The following FUT8 variants were observed in gnomAD, a reference collection of about 807,000 sequenced individuals.
FUT8 encodes the protein fucosyltransferase 8.
Under a neutral mutation model 71.3 loss-of-function variants are expected in FUT8, and 29 were observed. The ratio of observed to expected loss-of-function variants is 0.41; its 90% confidence interval spans 0.30 to 0.55. The LOEUF is 0.55. FUT8 is among the 20% of genes least tolerant of loss of function. The pLI is 0.34. For synonymous variants in FUT8, 254 were observed against 239.3 expected (o/e 1.06, Z -0.57); for missense variants, 544 against 702.1 (o/e 0.77, Z 2.55).
chr14:65,528,839 A>T (rs1883719995), intron 2 of FUT8: 1 of 152,242 alleles, frequency 6.6e-6, no homozygotes. Flanking sequence ...TTTAGATATC[A>T]TCAAGATCTT....
chr14:65,715,201 A>G (rs1894993172), intron 7 of FUT8, among the ~76,000 whole-genome samples: 1 of 152,212 alleles, frequency 6.6e-6, no homozygotes, highest in African/African-American at 2.4e-5. Flanking sequence ...TCAGTAGGAT[A>G]TTAGCTGTGG....
intron 2 of FUT8, among the ~76,000 whole-genome samples, chr14:65,513,917 G>T (rs1237975863): frequency 6.6e-6 from 1 of 152,196 alleles, no homozygotes; most frequent in Admixed American, 6.5e-5. Flanking sequence ...GGGAAGTCTA[G>T]TGCATGCACA....
At chr14:65,518,696 T>A (rs1251887013) in intron 2 of FUT8, among the ~76,000 whole-genome samples, 1 of 152,098 alleles carries the variant, frequency 6.6e-6, no homozygotes, top group African/African-American at 2.4e-5. Flanking sequence ...GGCTAATTTT[T>A]GTATTTTTTT....
chr14:65,439,849 T>C (rs2065615141), intron 1 of FUT8, among the ~76,000 whole-genome samples: 1 of 151,222 alleles, frequency 6.6e-6, no homozygotes, highest in African/African-American at 2.4e-5. Context: ...AAAATTATCT[T>C]ATCTCTTATG....
At chr14:65,532,354 G>A (rs1054597183) in intron 2 of FUT8, among the ~76,000 whole-genome samples, 15 of 152,136 alleles carry the variant, frequency 9.9e-5, no homozygotes, top group Non-Finnish European at 2.1e-4. Context: ...GTTTTGATTT[G>A]CATTTCTTTA....
intron 1 of FUT8, among the ~76,000 whole-genome samples, chr14:65,429,371 G>C (rs2065434733): frequency 6.6e-6 from 1 of 152,146 alleles, no homozygotes; most frequent in Non-Finnish European, 1.5e-5. Flanking sequence ...GGGGAATGTA[G>C]CTATAAATGT....
intron 3 of FUT8, among the ~76,000 whole-genome samples, chr14:65,577,038 TG>T: frequency 6.6e-6 from 1 of 151,932 alleles, no homozygotes; most frequent in Middle Eastern, 3.4e-3. Context: ...TTTGTAGAGA[TG>T]GGGTCTCCCT....
chr14:65,439,954 GTATATA>G (rs60534547), intron 1 of FUT8, among the ~76,000 whole-genome samples: 2,880 of 74,954 alleles, frequency 0.038, 160 homozygotes, highest in Admixed American at 0.062. Context: ...GTGTGTGTGT[GTATATA>G]TATATATATA....
At chr14:65,454,769 A>G (rs1163041778) in intron 1 of FUT8, among the ~76,000 whole-genome samples, 1 of 152,194 alleles carries the variant, frequency 6.6e-6, no homozygotes, top group Admixed American at 6.5e-5. Flanking sequence ...ACTTGCGCAT[A>G]CTACACACTC....
the FUT8 span, among the ~76,000 whole-genome samples, chr14:65,399,918 C>T: frequency 2.1e-4 from 32 of 152,324 alleles, no homozygotes; most frequent in East Asian, 4.0e-3. Flanking sequence ...CTACTTTCTT[C>T]ATTCATTCAT....
chr14:65,677,147 T>TGCGCGCGC (rs1450622099), intron 7 of FUT8, among the ~76,000 whole-genome samples: 1 of 102,810 alleles, frequency 9.7e-6, no homozygotes, highest in Non-Finnish European at 2.1e-5. Flanking sequence ...TGTGTGTGTG[T>TGCGCGCGC]GTGTGCGCGC....
chr14:65,725,275 C>A (rs2139363693), intron 9 of FUT8, among the ~76,000 whole-genome samples: 1 of 152,262 alleles, frequency 6.6e-6, no homozygotes, highest in Admixed American at 6.5e-5. Context: ...CTGGGGATTT[C>A]ATGATAAACA....
intron 7 of FUT8, among the ~76,000 whole-genome samples, chr14:65,705,620 G>T (rs184088822): frequency 5.3e-5 from 8 of 152,186 alleles, no homozygotes; most frequent in African/African-American, 1.9e-4. Flanking sequence ...TAGAAGTCCA[G>T]ATAGTCTTTG....
At chr14:65,663,140 A>C (rs991027211) in intron 6 of FUT8, among the ~76,000 whole-genome samples, 1 of 152,056 alleles carries the variant, frequency 6.6e-6, no homozygotes, top group Non-Finnish European at 1.5e-5. Context: ...GCAGGCATCA[A>C]CTGGATAGTA....
At chr14:65,387,526 A>G in the FUT8 span, among the ~76,000 whole-genome samples, 2 of 152,218 alleles carry the variant, frequency 1.3e-5, no homozygotes, top group South Asian at 2.1e-4. Context: ...GCTGTCTCCT[A>G]TCTGGTAATC....
intron 7 of FUT8, among the ~76,000 whole-genome samples, chr14:65,687,488 G>A (rs1235238900): frequency 6.6e-6 from 1 of 152,014 alleles, no homozygotes; most frequent in Non-Finnish European, 1.5e-5. Flanking sequence ...TAAGTTTAAA[G>A]CAATGAACAC....
At chr14:65,445,322 A>G (rs1214623861) in intron 1 of FUT8, among the ~76,000 whole-genome samples, 4 of 152,352 alleles carry the variant, frequency 2.6e-5, no homozygotes, top group East Asian at 1.9e-4. Context: ...ACAGCCAGAA[A>G]GATCCTCACC....
intron 7 of FUT8, among the ~76,000 whole-genome samples, chr14:65,681,863 A>G (rs1168983143): frequency 6.6e-6 from 1 of 152,260 alleles, no homozygotes; most frequent in East Asian, 1.9e-4. Context: ...GAGGTAGTAC[A>G]GCCGCTGATA....
chr14:65,615,122 G>C (rs1233091834), intron 3 of FUT8, among the ~76,000 whole-genome samples: 3 of 152,022 alleles, frequency 2.0e-5, no homozygotes, highest in Admixed American at 6.5e-5. Context: ...TTCGAGACAG[G>C]GTTTCACTCT....
Sources: allele counts gnomAD v4.1 joint callset (sites outside exome capture counted in the v4.1 genomes callset), GRCh38; gene constraint gnomAD v4.1.1; transcripts MANE v1.5; gene names NCBI Gene and HGNC (gene_info 2026-07-23, HGNC 2026-07-21).